Variants in ANKRD30B observed in about 807,000 individuals in gnomAD.
ANKRD30B encodes ankyrin repeat domain 30B.
A neutral mutation model predicts 202.2 loss-of-function variants in ANKRD30B; 144 were observed. That is an observed-to-expected ratio of 0.71 (90% CI 0.62 to 0.82). The LOEUF (loss-of-function observed/expected upper bound fraction) is 0.82, where lower values mean the gene tolerates loss of function less well. ANKRD30B is among the 40% of genes least tolerant of loss of function. The pLI, the probability that ANKRD30B is intolerant of heterozygous loss-of-function variation, is 0.00. For synonymous variants in ANKRD30B, 508 were observed against 561.3 expected, an observed-to-expected ratio of 0.91 and a Z score of 1.34; for missense variants, 1,487 against 1,669.1, an observed-to-expected ratio of 0.89 and a Z score of 1.90.
chr18:14,881,737 T>A, the ANKRD30B span, among the ~76,000 whole-genome samples: 2 of 146,868 alleles, frequency 1.4e-5, no homozygotes, highest in Non-Finnish European at 1.5e-5. Flanking sequence ...GGTCCTCGGC[T>A]TTTTTTTTTG....
At chr18:14,927,537 G>A in the ANKRD30B span, among the ~76,000 whole-genome samples, 30 of 152,156 alleles carry the variant, frequency 2.0e-4, no homozygotes, top group Non-Finnish European at 3.1e-4. Flanking sequence ...AGGCCAGGAG[G>A]CCAAAGCACT....
intron 11 of ANKRD30B, among the ~76,000 whole-genome samples, chr18:14,781,084 T>C (rs1172237177): frequency 6.6e-6 from 1 of 152,264 alleles, no homozygotes; most frequent in East Asian, 1.9e-4. Flanking sequence ...AGATTTTATC[T>C]AATTTGTCCA....
At chr18:14,888,045 C>T in the ANKRD30B span, among the ~76,000 whole-genome samples, 1 of 152,016 alleles carries the variant, frequency 6.6e-6, no homozygotes, top group Non-Finnish European at 1.5e-5. Context: ...TTAGCAATAC[C>T]TTTTCCACTT....
chr18:14,778,996 T>C (rs920963935), intron 10 of ANKRD30B, among the ~76,000 whole-genome samples: 1 of 152,092 alleles, frequency 6.6e-6, no homozygotes. Context: ...AAAAAAGTGT[T>C]GGGAAAATTG....
the ANKRD30B span, among the ~76,000 whole-genome samples, chr18:14,875,215 A>T: frequency 6.6e-6 from 1 of 152,180 alleles, no homozygotes; most frequent in Non-Finnish European, 1.5e-5. Context: ...GAGCTAAGCG[A>T]TTTTGTGTCC....
chr18:14,909,408 G>A, the ANKRD30B span, among the ~76,000 whole-genome samples: 6 of 152,256 alleles, frequency 3.9e-5, no homozygotes, highest in Admixed American at 6.5e-5. Context: ...TAAGGAAGGC[G>A]CTATTTGTTG....
the ANKRD30B span, among the ~76,000 whole-genome samples, chr18:14,881,702 G>C: frequency 4.2e-4 from 63 of 151,650 alleles, no homozygotes; most frequent in Non-Finnish European, 5.3e-4. Context: ...TGAATGTCTG[G>C]TAGAATTCTG....
At chr18:14,822,346 C>T (rs974981743) in intron 30 of ANKRD30B, 137 bp from the exon 31 acceptor site, 2 of 621,236 alleles carry the variant, frequency 3.2e-6, no homozygotes, top group Non-Finnish European at 5.8e-6. Context: ...CACAATAACC[C>T]AAAAGACCCC....
At chr18:14,768,628 C>T (rs915520620) in intron 7 of ANKRD30B, among the ~76,000 whole-genome samples, 1 of 152,140 alleles carries the variant, frequency 6.6e-6, no homozygotes, top group African/African-American at 2.4e-5. Context: ...ACAAAATCTT[C>T]CACACATTTG....
chr18:14,931,336 C>T, the ANKRD30B span, among the ~76,000 whole-genome samples: 4 of 152,166 alleles, frequency 2.6e-5, no homozygotes, highest in African/African-American at 4.8e-5. Flanking sequence ...AATTCTAGAA[C>T]AAGGACGAGT....
At chr18:14,930,576 G>A in the ANKRD30B span, among the ~76,000 whole-genome samples, 1 of 152,052 alleles carries the variant, frequency 6.6e-6, no homozygotes, top group East Asian at 1.9e-4. Flanking sequence ...GGCCATGGAC[G>A]CTGGGTGTGC....
At chr18:14,907,879 T>G in the ANKRD30B span, among the ~76,000 whole-genome samples, 1 of 151,266 alleles carries the variant, frequency 6.6e-6, no homozygotes, top group Admixed American at 6.6e-5. Context: ...CTCTACACTC[T>G]GCACATGGGT....
Position 14,784,477 on chromosome 18 carries a change from G to A in ANKRD30B, c.1614G>A (p.Met538Ile). The A allele has an allele frequency of 6.2e-7, 1 of 1,613,154 alleles. No homozygotes were observed. Among genetic ancestry groups the A allele is most frequent in the Non-Finnish European group, 8.5e-7 (1 of 1,179,386 alleles). ...AACCCATTTAGCCTGCCGTTGAAAT[G>A]CAAAAGACTGTTCCAAATAAAGCCT... ...KPSAFKPAVE[M>I]QKTVPNKAFE... Residue 538 changes from methionine to isoleucine, a missense_variant, in exon 14 of 44, where the codon ATG (methionine) becomes ATA (isoleucine). By Grantham distance (10) the Met-to-Ile change is conservative. Coordinates refer to ENST00000690538, the MANE Select transcript of ANKRD30B (RefSeq NM_001367607.2).
the ANKRD30B span, among the ~76,000 whole-genome samples, chr18:14,875,457 T>G: frequency 6.6e-6 from 1 of 152,162 alleles, no homozygotes; most frequent in Admixed American, 6.5e-5. Flanking sequence ...CATAGGAAGG[T>G]TATGGGCCCA....
the ANKRD30B span, among the ~76,000 whole-genome samples, chr18:14,906,119 G>A: frequency 2.0e-5 from 3 of 151,840 alleles, no homozygotes; most frequent in African/African-American, 7.3e-5. Flanking sequence ...GCCACACATT[G>A]TTTAAAGTGG....
At chr18:14,905,705 G>C in the ANKRD30B span, 2 of 152,136 alleles carry the variant, frequency 1.3e-5, no homozygotes, top group Admixed American at 1.3e-4. Context: ...CCCCACAAAA[G>C]GCTTTGCAGG....
At chr18:14,907,821 C>T in the ANKRD30B span, among the ~76,000 whole-genome samples, 1 of 152,130 alleles carries the variant, frequency 6.6e-6, no homozygotes, top group Non-Finnish European at 1.5e-5. Context: ...TTTTTCCAAA[C>T]TGACACTCTG....
intron 39 of ANKRD30B, among the ~76,000 whole-genome samples, chr18:14,843,414 A>T (rs2143200437): frequency 6.6e-6 from 1 of 152,316 alleles, no homozygotes; most frequent in South Asian, 2.1e-4. Flanking sequence ...CTGTTCAAAA[A>T]TTGATTCAAA....
chr18:14,790,580 T>C (rs1968419442), intron 15 of ANKRD30B, among the ~76,000 whole-genome samples: 1 of 152,182 alleles, frequency 6.6e-6, no homozygotes, highest in African/African-American at 2.4e-5. Flanking sequence ...ACCTAATTTA[T>C]TGAGAGTTTT....
Sources: gnomAD v4.1 joint callset for allele counts (sites outside exome capture counted in the v4.1 genomes callset) on GRCh38, gnomAD v4.1.1 for gene constraint, MANE v1.5 for transcripts, NCBI Gene and HGNC (gene_info 2026-07-23, HGNC 2026-07-21) for gene names.